The following CDC14A variants were observed in gnomAD, a reference collection of about 807,000 sequenced individuals.
CDC14A encodes cell division cycle 14A.
Under a neutral mutation model 74.4 loss-of-function variants are expected in CDC14A, and 53 were observed. The observed-to-expected ratio is 0.71, with a 90% CI of 0.57 to 0.89. The LOEUF is 0.89. Among genes scored for constraint, CDC14A ranks in the 40% least tolerant of loss-of-function variants. The probability of loss-of-function intolerance (pLI) is 0.00; values close to 1 mark genes in which losing one functional copy is unlikely to be tolerated. For synonymous variants in CDC14A, 247 were observed against 258.4 expected (o/e 0.96, Z 0.43); for missense variants, 646 against 713.7 (o/e 0.91, Z 1.08).
chr1:100,412,723 T>TATATTTATATATATATATATA (rs1491148182), intron 4 of CDC14A, among the ~76,000 whole-genome samples: 43 of 83,710 alleles, frequency 5.1e-4, no homozygotes, highest in African/African-American at 4.0e-3. Context: ...TATATATATA[T>TATATTTATATATATATATATA]TTTATATATA....
At chr1:100,421,040 C>T (rs1170953145) in intron 4 of CDC14A, among the ~76,000 whole-genome samples, 3 of 152,126 alleles carry the variant, frequency 2.0e-5, no homozygotes, top group African/African-American at 7.2e-5. Context: ...TCTAGGACTT[C>T]TTGGCAAAAG....
At chr1:100,374,628 A>C (rs1348270731) in intron 2 of CDC14A, among the ~76,000 whole-genome samples, 1 of 152,160 alleles carries the variant, frequency 6.6e-6, no homozygotes, top group East Asian at 1.9e-4. Flanking sequence ...AAATTTCAAA[A>C]TATTACCAAC....
chr1:100,410,928 T>C lies in CDC14A; in HGVS notation c.310-13294T>C, dbSNP rs568931541. 2.0e-5 allele frequency among the ~76,000 whole-genome samples: 3 copies of C among 152,328 alleles called. No individual in the cohort carries two copies. The South Asian group carries it at 6.2e-4, about 32-fold the overall frequency. On this transcript the variant is annotated intron_variant, in intron 4 of 15. Transcript: ENST00000336454. The stretch of plus-strand genomic sequence containing the variant: ...TAAGTACAAGAACTTCAGGATGAGA[T>C]TGGAGGTCTCTGACTTTTACTGTGT...
chr1:100,435,227 G>A (rs942035094), intron 5 of CDC14A, among the ~76,000 whole-genome samples: 5 of 152,192 alleles, frequency 3.3e-5, no homozygotes, highest in Non-Finnish European at 5.9e-5. Flanking sequence ...AAGGAGGTTG[G>A]AAGTAGTGTT....
chr1:100,400,474 C>T (rs908522928), intron 4 of CDC14A, among the ~76,000 whole-genome samples: 72 of 152,060 alleles, frequency 4.7e-4, no homozygotes, highest in African/African-American at 1.6e-3. Context: ...GTAAATCTAA[C>T]GGCAGTGTTT....
intron 1 of CDC14A, among the ~76,000 whole-genome samples, chr1:100,347,063 T>G (rs1650490107): frequency 6.6e-6 from 1 of 152,240 alleles, no homozygotes; most frequent in Admixed American, 6.5e-5. Context: ...CTAAATATCT[T>G]GAAGAAAATA....
chr1:100,493,287 C>T (rs944012592), intron 11 of CDC14A, among the ~76,000 whole-genome samples: 2 of 152,204 alleles, frequency 1.3e-5, no homozygotes, highest in African/African-American at 4.8e-5. Context: ...TAGCCATTCT[C>T]ATGAGGACCT....
chr1:100,457,966 A>G (rs539307816), intron 8 of CDC14A, among the ~76,000 whole-genome samples: 1 of 152,314 alleles, frequency 6.6e-6, no homozygotes, highest in Non-Finnish European at 1.5e-5. Flanking sequence ...AGATAAAAGG[A>G]TACGCAATTT....
At chr1:100,436,786 A>G (rs1335846511) in intron 5 of CDC14A, among the ~76,000 whole-genome samples, 3 of 151,992 alleles carry the variant, frequency 2.0e-5, no homozygotes, top group Non-Finnish European at 4.4e-5. Flanking sequence ...TAACTTATTT[A>G]CCACTCATCT....
intron 5 of CDC14A, among the ~76,000 whole-genome samples, chr1:100,429,362 G>A (rs369767958): frequency 6.6e-6 from 1 of 151,892 alleles, no homozygotes; most frequent in African/African-American, 2.4e-5. Flanking sequence ...TAAGTCTGGA[G>A]GTAAGGTTAG....
At chr1:100,393,413 ATT>A in intron 4 of CDC14A, 1 of 804,652 alleles carries the variant, frequency 1.2e-6, no homozygotes, top group Admixed American at 1.7e-5. Context: ...CAGTAATGCC[ATT>A]TTTTTGACCA....
chr1:100,491,718 C>T (rs1279978077), intron 11 of CDC14A, among the ~76,000 whole-genome samples: 9 of 149,556 alleles, frequency 6.0e-5, no homozygotes, highest in Non-Finnish European at 1.0e-4. Context: ...ATTACAGGCA[C>T]GCACCACCAC....
Position 100,434,443 on chromosome 1 carries a change from A to G in CDC14A, c.390-5489A>G, listed in dbSNP as rs543086490. On this transcript the variant is annotated intron_variant, in intron 5 of 15. Coordinates refer to ENST00000336454, the MANE Select transcript of CDC14A (RefSeq NM_003672.4). Reference sequence around the variant, plus strand: ...TTTCCCTTGAGAGCAATGGGAAGTCAGTGAGGGGTTATAGCTGAAGAGTGA... The same window carrying G: ...TTTCCCTTGAGAGCAATGGGAAGTCGGTGAGGGGTTATAGCTGAAGAGTGA... Among the ~76,000 whole-genome samples the G allele has an allele frequency of 2.6e-4, 39 of 152,338 alleles. 1 individual carries two copies. The South Asian group carries it at 6.2e-3, about 24-fold the overall frequency.
chr1:100,497,208 C>G (rs1288118496), intron 13 of CDC14A, among the ~76,000 whole-genome samples: 4 of 152,076 alleles, frequency 2.6e-5, no homozygotes, highest in African/African-American at 9.7e-5. Flanking sequence ...CCATTAAAGG[C>G]TAAGTGTGAT....
chr1:100,486,291 CTT>C (rs1349920402), intron 11 of CDC14A, among the ~76,000 whole-genome samples: 1 of 152,164 alleles, frequency 6.6e-6, no homozygotes, highest in African/African-American at 2.4e-5. Context: ...TTCTCATACT[CTT>C]TTAATCCCCA....
At chr1:100,433,099 C>G (rs1046035405) in intron 5 of CDC14A, among the ~76,000 whole-genome samples, 1 of 151,718 alleles carries the variant, frequency 6.6e-6, no homozygotes, top group Non-Finnish European at 1.5e-5. Context: ...AGGCTAGTCT[C>G]AAACTACTGG....
chr1:100,425,355 G>A (rs925659957), intron 5 of CDC14A, among the ~76,000 whole-genome samples: 2 of 152,118 alleles, frequency 1.3e-5, no homozygotes, highest in Admixed American at 6.5e-5. Context: ...CACAATGAGC[G>A]AAAGGAATGG....
chr1:100,471,823 A>G lies in CDC14A; in HGVS notation c.977+3729A>G, dbSNP rs180747239. Among the ~76,000 whole-genome samples the G allele has an allele frequency of 1.3e-3, 196 of 152,258 alleles. 2 individuals carry two copies. The highest frequency in any genetic ancestry group is 2.4e-3 in the Non-Finnish European group (165 of 67,960). On this transcript the variant is annotated intron_variant, in intron 10 of 15. Transcript: ENST00000336454. Reference sequence around the variant, plus strand: ...GAAGAACCTTGGCTCCTATCTCACAACCTATTTTTTAAAGGAATTCCTGAT... The same window carrying G: ...GAAGAACCTTGGCTCCTATCTCACAGCCTATTTTTTAAAGGAATTCCTGAT...
At chr1:100,363,391 C>A (rs377561773) in intron 2 of CDC14A, among the ~76,000 whole-genome samples, 6 of 152,206 alleles carry the variant, frequency 3.9e-5, no homozygotes, top group East Asian at 3.8e-4. Context: ...GGCTCCCGAA[C>A]CCTCAGTACC....
Sources: gnomAD v4.1 joint callset for allele counts (sites outside exome capture counted in the v4.1 genomes callset) on GRCh38, gnomAD v4.1.1 for gene constraint, MANE v1.5 for transcripts, NCBI Gene and HGNC (gene_info 2026-07-23, HGNC 2026-07-21) for gene names.